Variants in RALGAPA2 observed in about 807,000 individuals in gnomAD.
RALGAPA2 encodes Ral GTPase activating protein catalytic subunit alpha 2.
Under a neutral mutation model 230.4 loss-of-function variants are expected in RALGAPA2, and 139 were observed. The ratio of observed to expected loss-of-function variants is 0.60; its 90% CI spans 0.53 to 0.69. RALGAPA2 has a LOEUF of 0.69. RALGAPA2 is among the 30% of genes least tolerant of loss of function. RALGAPA2 has a pLI of 0.00. For missense variants in RALGAPA2, 2,163 were observed against 2,276.0 expected, an observed-to-expected ratio of 0.95 and a Z score of 1.01; for synonymous variants, 847 against 837.8, an observed-to-expected ratio of 1.01 and a Z score of -0.19.
At chr20:20,588,051 A>G (rs1295058260) in intron 18 of RALGAPA2, among the ~76,000 whole-genome samples, 1 of 152,214 alleles carries the variant, frequency 6.6e-6, no homozygotes, top group African/African-American at 2.4e-5. Flanking sequence ...TGATGCAACC[A>G]CTTTAGAGAA....
chr20:20,552,616 C>T (rs1172290281), intron 23 of RALGAPA2, among the ~76,000 whole-genome samples: 2 of 152,054 alleles, frequency 1.3e-5, no homozygotes, highest in African/African-American at 2.4e-5. Flanking sequence ...AATGTGAATG[C>T]AGAGGAATAC....
At chr20:20,701,864 A>AC (rs1480912210) in intron 1 of RALGAPA2, among the ~76,000 whole-genome samples, 3 of 151,702 alleles carry the variant, frequency 2.0e-5, no homozygotes, top group Non-Finnish European at 4.4e-5. Context: ...AGATGGTGAA[A>AC]CCCCGTCTCT....
At chr20:20,665,480 T>A (rs557953801) in intron 3 of RALGAPA2, among the ~76,000 whole-genome samples, 1 of 152,212 alleles carries the variant, frequency 6.6e-6, no homozygotes. Context: ...AACTGAGTAA[T>A]TTGGTATATC....
chr20:20,583,091 T>A lies in RALGAPA2; in HGVS notation c.2666A>T (p.His889Leu). 1 of 1,613,678 alleles carries A rather than the reference T, an allele frequency of 6.2e-7. No individual in the cohort carries two copies. The highest frequency in any genetic ancestry group is 8.5e-7 in the Non-Finnish European group (1 of 1,179,720). The change falls in exon 20 of 40, where the codon CAT (histidine) becomes CTT (leucine). Residue 889 changes from histidine to leucine, a missense_variant. Physicochemically the swap from His to Leu is moderately conservative, Grantham distance 99. Coordinates refer to ENST00000202677, the MANE Select transcript of RALGAPA2 (RefSeq NM_020343.4). ...TDVVADADAR[H>L]WLQLSPTDAS... ...ATCGGTGGGACTCAGTTGTAACCAA[T>A]GACGGGCATCAGCATCAGCCACAAC...
intron 37 of RALGAPA2, among the ~76,000 whole-genome samples, chr20:20,461,029 T>G (rs2061289676): frequency 6.6e-6 from 1 of 152,220 alleles, no homozygotes; most frequent in Non-Finnish European, 1.5e-5. Flanking sequence ...TTATGTGAAG[T>G]GCTTTCCTTA....
At chr20:20,535,902 G>C (rs144251564) in intron 25 of RALGAPA2, 99 bp from the exon 26 acceptor site, 5 of 1,443,186 alleles carry the variant, frequency 3.5e-6, no homozygotes, top group Admixed American at 2.6e-5. Flanking sequence ...ACTGAAGTTC[G>C]ACCAGGGAGC....
chr20:20,529,060 T>C (rs1360844024), intron 27 of RALGAPA2, among the ~76,000 whole-genome samples: 1 of 152,214 alleles, frequency 6.6e-6, no homozygotes, highest in Non-Finnish European at 1.5e-5. Flanking sequence ...AACAACCCAG[T>C]TGCCACAGCA....
At chr20:20,637,139 T>C (rs2066885859) in intron 8 of RALGAPA2, among the ~76,000 whole-genome samples, 1 of 152,240 alleles carries the variant, frequency 6.6e-6, no homozygotes, top group African/African-American at 2.4e-5. Context: ...TTTCTGAGTA[T>C]AGGAGCCACG....
At chr20:20,703,989 C>G (rs1348019539) in intron 1 of RALGAPA2, among the ~76,000 whole-genome samples, 2 of 152,174 alleles carry the variant, frequency 1.3e-5, no homozygotes, top group Non-Finnish European at 2.9e-5. Context: ...AAAACAAAGC[C>G]TTCCAGATAA....
rs1602586265 is a variant in RALGAPA2 at position 20,508,350 on chromosome 20, T to A, written c.4929-2816A>T. On this transcript the variant is annotated intron_variant, in intron 33 of 39. Transcript: ENST00000202677. ...CAGGTAATTCAGAAACACACATACA[T>A]GAAATTAACAATCTTCCCTTCCTCA... Among the ~76,000 whole-genome samples the A allele has an allele frequency of 2.0e-5, 3 of 152,320 alleles. No individual in the cohort carries two copies. The Middle Eastern group carries it at 0.01, about 518-fold the overall frequency.
At chr20:20,516,536 A>C (rs547297551) in intron 31 of RALGAPA2, among the ~76,000 whole-genome samples, 8 of 152,322 alleles carry the variant, frequency 5.3e-5, no homozygotes, top group African/African-American at 1.9e-4. Flanking sequence ...AGAGGTCCTG[A>C]GCCTGTCGAA....
rs1367811900 is a variant in RALGAPA2, at chr20:20,392,603, AGCC to A, written c.*683_*685del. ...TGAAGCGCCTCTGCGTGGTGAGGAG[AGCC>A]TCTGCTTAGTTAGCGGGCGTCAGGT... On this transcript the variant is annotated 3_prime_UTR_variant, in exon 40 of 40. Coordinates refer to ENST00000202677, the MANE Select transcript of RALGAPA2 (RefSeq NM_020343.4). 2 of 159,568 alleles carry A rather than the reference AGCC, an allele frequency of 1.3e-5. No homozygotes were observed. The highest frequency in any genetic ancestry group is 2.8e-5 in the Non-Finnish European group (2 of 72,062). The allele number at this position is 159,568 out of a possible 1,614,324, so 9.9% of individuals were successfully genotyped here.
At chr20:20,520,882 T>G (rs2063016854) in intron 31 of RALGAPA2, 35 bp downstream of exon 31, 1 of 1,482,898 alleles carries the variant, frequency 6.7e-7, no homozygotes, top group African/African-American at 1.4e-5. Context: ...TTCCTTTTCC[T>G]TCCCACAAGA....
At chr20:20,628,014 G>A (rs1288445872) in intron 10 of RALGAPA2, among the ~76,000 whole-genome samples, 1 of 152,192 alleles carries the variant, frequency 6.6e-6, no homozygotes, top group African/African-American at 2.4e-5. Context: ...AGAAGACACA[G>A]AGAGTGAGAA....
chr20:20,468,374 T>C (rs560187940), intron 37 of RALGAPA2, among the ~76,000 whole-genome samples: 6 of 152,306 alleles, frequency 3.9e-5, no homozygotes, highest in African/African-American at 1.4e-4. Context: ...CTGCCGCTCT[T>C]CAATGCAGCC....
chr20:20,441,775 T>C (rs1270218461), intron 37 of RALGAPA2, among the ~76,000 whole-genome samples: 2 of 152,210 alleles, frequency 1.3e-5, no homozygotes, highest in Non-Finnish European at 2.9e-5. Context: ...AGGGATGTAG[T>C]CTGAGCTGTT....
At chr20:20,532,347 T>C (rs1026647826) in intron 26 of RALGAPA2, among the ~76,000 whole-genome samples, 3 of 152,260 alleles carry the variant, frequency 2.0e-5, no homozygotes, top group African/African-American at 4.8e-5. Flanking sequence ...CCATGCCATA[T>C]ACATTTCTAT....
intron 14 of RALGAPA2, among the ~76,000 whole-genome samples, chr20:20,610,151 C>T (rs916956181): frequency 6.6e-6 from 1 of 152,200 alleles, no homozygotes; most frequent in African/African-American, 2.4e-5. Context: ...TTCAGGTCAA[C>T]TGAGGAGGGA....
intron 37 of RALGAPA2, among the ~76,000 whole-genome samples, chr20:20,453,268 T>G (rs887831140): frequency 6.6e-6 from 1 of 152,140 alleles, no homozygotes. Context: ...CCAAGCAGCT[T>G]CACCTCCTGG....
Sources: allele counts gnomAD v4.1 joint callset (sites outside exome capture counted in the v4.1 genomes callset), GRCh38; gene constraint gnomAD v4.1.1; transcripts MANE v1.5; gene names NCBI Gene and HGNC (gene_info 2026-07-23, HGNC 2026-07-21).